Variants in SDCCAG8 observed in about 807,000 individuals in gnomAD.
SDCCAG8 encodes serologically defined colon cancer antigen 8.
SDCCAG8 carries 74 observed loss-of-function variants against 101.8 expected under a neutral mutation model. The observed-to-expected ratio is 0.73, with a 90% CI of 0.60 to 0.88. SDCCAG8 has a LOEUF of 0.88. Ranked by LOEUF, SDCCAG8 falls within the 40% of genes least tolerant of loss-of-function variation. SDCCAG8 has a pLI of 0.00. For synonymous variants in SDCCAG8, 281 were observed against 292.9 expected, an observed-to-expected ratio of 0.96 and a Z score of 0.41; for missense variants, 787 against 822.6, an observed-to-expected ratio of 0.96 and a Z score of 0.53.
At chr1:243,388,391 G>T (rs2078451013) in intron 13 of SDCCAG8, among the ~76,000 whole-genome samples, 1 of 152,046 alleles carries the variant, frequency 6.6e-6, no homozygotes, top group African/African-American at 2.4e-5. Flanking sequence ...ATCACCCTTG[G>T]GCACACACAC....
At chr1:243,260,986 A>G (rs563814661) in intron 1 of SDCCAG8, among the ~76,000 whole-genome samples, 1 of 152,282 alleles carries the variant, frequency 6.6e-6, no homozygotes, top group African/African-American at 2.4e-5. Flanking sequence ...CGTTTCCTCA[A>G]CTGTAAAACG....
At chr1:243,259,385 C>A (rs549131100) in intron 1 of SDCCAG8, among the ~76,000 whole-genome samples, 1 of 151,004 alleles carries the variant, frequency 6.6e-6, no homozygotes, top group East Asian at 2.0e-4. Context: ...CCAGCCTGGG[C>A]GACAGAGCGA....
At chr1:243,411,712 T>A (rs561322863) in intron 13 of SDCCAG8, among the ~76,000 whole-genome samples, 2 of 152,328 alleles carry the variant, frequency 1.3e-5, no homozygotes, top group African/African-American at 4.8e-5. Context: ...TCTGGCTTTT[T>A]AAACTACGTG....
At chr1:243,296,155 C>T (rs1346186136) in intron 6 of SDCCAG8, among the ~76,000 whole-genome samples, 2 of 152,056 alleles carry the variant, frequency 1.3e-5, no homozygotes, top group Non-Finnish European at 2.9e-5. Context: ...GCTACCACAC[C>T]TGGTTAATTT....
intron 1 of SDCCAG8, among the ~76,000 whole-genome samples, chr1:243,266,402 C>T (rs1464649471): frequency 6.7e-6 from 1 of 149,474 alleles, no homozygotes; most frequent in African/African-American, 2.5e-5. Flanking sequence ...CTGCAACCTC[C>T]GCCCCCCGGC....
chr1:243,274,450 T>C, intron 3 of SDCCAG8, 93 bp from the exon 4 acceptor site: 1 of 727,584 alleles, frequency 1.4e-6, no homozygotes, highest in South Asian at 1.6e-5. Flanking sequence ...ATGGAGAAGG[T>C]AACAACTGAT....
At chr1:243,275,950 G>A (rs186760913) in intron 4 of SDCCAG8, among the ~76,000 whole-genome samples, 14 of 134,496 alleles carry the variant, frequency 1.0e-4, no homozygotes, top group African/African-American at 3.4e-4. Flanking sequence ...TGCAACCTCC[G>A]ACTCCCTGGT....
At chr1:243,272,945 C>T (rs913644412) in intron 3 of SDCCAG8, among the ~76,000 whole-genome samples, 7 of 152,072 alleles carry the variant, frequency 4.6e-5, no homozygotes, top group African/African-American at 1.7e-4. Flanking sequence ...AAACTAAAGC[C>T]CTTCAAAGTA....
intron 14 of SDCCAG8, 116 bp downstream of exon 14, chr1:243,415,945 G>A: frequency 8.3e-7 from 1 of 1,204,388 alleles, no homozygotes; most frequent in South Asian, 1.4e-5. Flanking sequence ...GGGAGCAGAT[G>A]CTAACTACAC....
chr1:243,328,425 C>T (rs113244832), intron 9 of SDCCAG8, among the ~76,000 whole-genome samples: 104 of 152,140 alleles, frequency 6.8e-4, no homozygotes, highest in African/African-American at 2.5e-3. Context: ...ATTACAGGCA[C>T]GCACCACCTG....
intron 7 of SDCCAG8, chr1:243,307,301 T>C (rs1054319792): frequency 1.1e-4 from 55 of 498,466 alleles, no homozygotes; most frequent in Non-Finnish European, 1.3e-4. Flanking sequence ...CCCAGCCCTT[T>C]CTTTAGCAGC....
Position 243,457,397 on chromosome 1 carries a change from C to T in SDCCAG8, c.1985+30839C>T, listed in dbSNP as rs952881289. Among the ~76,000 whole-genome samples the T allele has an allele frequency of 3.9e-5, 6 of 152,000 alleles. No individual in the cohort carries two copies. In the South Asian group the frequency reaches 6.2e-4, roughly 16 times the overall value. ...TCTGTTTAAAGTGGTCATTCAGAAC[C>T]GAATATTTTAAATGACTTATAGGAG... On this transcript the variant is annotated intron_variant, in intron 16 of 17. Coordinates refer to ENST00000366541, the MANE Select transcript of SDCCAG8 (RefSeq NM_006642.5).
intron 16 of SDCCAG8, among the ~76,000 whole-genome samples, chr1:243,440,847 T>C (rs2082486015): frequency 6.6e-6 from 1 of 152,174 alleles, no homozygotes; most frequent in Admixed American, 6.5e-5. Flanking sequence ...GTGCATTGTT[T>C]TGGCCGTGTG....
In SDCCAG8 at chr1:243,462,848, A is replaced by AAAAAC. The variant is rs752449023; in HGVS notation, c.1986-26146_1986-26142dup. The stretch of plus-strand genomic sequence containing the variant: ...ATTTGCCTTCTCTCATCTTTTGGCA[A>AAAAAC]AAAACAAAACAAAACAAAACAAAAA... On this transcript the variant is annotated intron_variant, in intron 16 of 17. Transcript: ENST00000366541. 3.9e-3 allele frequency among the ~76,000 whole-genome samples: 596 copies of AAAAAC among 151,748 alleles called. 3 individuals are homozygous for AAAAAC. The highest frequency in any genetic ancestry group is 6.1e-3 in the Non-Finnish European group (412 of 67,994).
chr1:243,316,669 A>G (rs909766418), intron 8 of SDCCAG8, 86 bp from the exon 9 acceptor site: 12 of 1,535,312 alleles, frequency 7.8e-6, no homozygotes, highest in South Asian at 2.3e-5. Context: ...CTCTTCTAAT[A>G]CATATTAATG....
intron 16 of SDCCAG8, among the ~76,000 whole-genome samples, chr1:243,442,391 A>G (rs2082598834): frequency 6.6e-6 from 1 of 152,108 alleles, no homozygotes; most frequent in Non-Finnish European, 1.5e-5. Flanking sequence ...TAGACTCTGG[A>G]TTATAAGAAG....
At chr1:243,406,831 G>A (rs1183278853) in intron 13 of SDCCAG8, among the ~76,000 whole-genome samples, 1 of 152,108 alleles carries the variant, frequency 6.6e-6, no homozygotes, top group African/African-American at 2.4e-5. Flanking sequence ...TCCACCCTGT[G>A]TCTTTGCACA....
chr1:243,321,084 C>T (rs1222404396), intron 9 of SDCCAG8, among the ~76,000 whole-genome samples: 2 of 152,270 alleles, frequency 1.3e-5, no homozygotes, highest in African/African-American at 4.8e-5. Flanking sequence ...GAAGCCTCTA[C>T]CTACTCAATG....
chr1:243,312,652 G>A (rs1262657712), intron 8 of SDCCAG8, among the ~76,000 whole-genome samples: 1 of 149,388 alleles, frequency 6.7e-6, no homozygotes, highest in Non-Finnish European at 1.5e-5. Context: ...GTTGCAGTGA[G>A]CCAAGATTGC....
Sources: allele counts gnomAD v4.1 joint callset (sites outside exome capture counted in the v4.1 genomes callset), GRCh38; gene constraint gnomAD v4.1.1; transcripts MANE v1.5; gene names NCBI Gene and HGNC (gene_info 2026-07-23, HGNC 2026-07-21).